FER: variants seen among roughly 807,000 people sequenced by gnomAD.
The protein encoded by FER is tyrosine-protein kinase Fer.
A neutral mutation model predicts 111.0 loss-of-function variants in FER; 63 were observed. The ratio of observed to expected loss-of-function variants is 0.57; its 90% CI spans 0.46 to 0.70. The LOEUF (loss-of-function observed/expected upper bound fraction) is 0.70, where lower values mean the gene tolerates loss of function less well. FER is among the 30% of genes least tolerant of loss of function. FER has a pLI of 0.00. For missense variants in FER, 914 were observed against 954.0 expected (o/e 0.96, Z 0.55); for synonymous variants, 327 against 313.9 (o/e 1.04, Z -0.44).
intron 17 of FER, among the ~76,000 whole-genome samples, chr5:109,141,618 T>C (rs1753528969): frequency 6.6e-6 from 1 of 152,194 alleles, no homozygotes; most frequent in Admixed American, 6.5e-5. Context: ...TTAGGGACAC[T>C]GGAAGATGGA....
intron 17 of FER, among the ~76,000 whole-genome samples, chr5:109,111,948 G>A (rs562545219): frequency 8.1e-4 from 124 of 152,204 alleles, no homozygotes; most frequent in African/African-American, 2.8e-3. Context: ...TTGTGGTCTG[G>A]TGTGCCTATT....
At chr5:109,010,956 A>G in intron 13 of FER, among the ~76,000 whole-genome samples, 1 of 152,256 alleles carries the variant, frequency 6.6e-6, no homozygotes, top group East Asian at 1.9e-4. Context: ...AGTGAGGAAC[A>G]TACATATGGA....
intron 9 of FER, among the ~76,000 whole-genome samples, chr5:108,889,655 TAA>T (rs1482670306): frequency 3.3e-5 from 5 of 152,002 alleles, no homozygotes; most frequent in South Asian, 2.1e-4. Flanking sequence ...TTAAAATAAC[TAA>T]AAGAGTATAA....
intron 16 of FER, among the ~76,000 whole-genome samples, chr5:109,060,708 A>G (rs1774282960): frequency 6.6e-6 from 1 of 151,882 alleles, no homozygotes; most frequent in South Asian, 2.1e-4. Flanking sequence ...AAAAATTAAA[A>G]AATAAGATTG....
At chr5:109,016,694 TAGTC>T (rs1767179268) in intron 13 of FER, among the ~76,000 whole-genome samples, 1 of 152,092 alleles carries the variant, frequency 6.6e-6, no homozygotes, top group Non-Finnish European at 1.5e-5. Flanking sequence ...TGTGTATACT[TAGTC>T]AATGTTTAGA....
At chr5:108,845,019 T>TATATACATATATATATATATAC (rs1761803939) in intron 5 of FER, among the ~76,000 whole-genome samples, 5 of 51,546 alleles carry the variant, frequency 9.7e-5, no homozygotes, top group Non-Finnish European at 1.9e-4. Context: ...TATATATATA[T>TATATACATATATATATATATAC]ATATATATAT....
intron 13 of FER, among the ~76,000 whole-genome samples, chr5:108,991,690 A>C (rs1223701060): frequency 1.3e-5 from 2 of 151,932 alleles, no homozygotes; most frequent in Non-Finnish European, 1.5e-5. Flanking sequence ...GTAAGGTTTT[A>C]AGTTTATTCA....
intron 17 of FER, among the ~76,000 whole-genome samples, chr5:109,174,178 A>C (rs1244749039): frequency 1.3e-5 from 2 of 152,200 alleles, no homozygotes; most frequent in Non-Finnish European, 2.9e-5. Flanking sequence ...GGAGGTCGCA[A>C]AGGGAAGAGA....
rs910777993 is a variant in FER at position 109,053,700 on chromosome 5, T to A, written c.1924+6502T>A. Among the ~76,000 whole-genome samples the A allele has an allele frequency of 9.9e-3, 1,473 of 148,740 alleles. 25 individuals are homozygous for A. Among genetic ancestry groups the A allele is most frequent in the African/African-American group, 0.035 (1,394 of 40,246 alleles). ...TGCTGAGTGGAGTTCTATTTTTTTT[T>A]TTTTTTTTTTGAGACGGAATCTCGC... is the stretch of plus-strand genomic sequence containing the variant. On this transcript the variant is annotated intron_variant, in intron 16 of 19. Transcript: ENST00000281092.
chr5:109,169,265 A>C (rs970859656), intron 17 of FER, among the ~76,000 whole-genome samples: 2 of 152,220 alleles, frequency 1.3e-5, no homozygotes, highest in African/African-American at 2.4e-5. Context: ...TATAATGCAG[A>C]ATTAAATTGA....
chr5:109,026,437 T>C (rs921471194), intron 13 of FER, among the ~76,000 whole-genome samples: 1 of 152,144 alleles, frequency 6.6e-6, no homozygotes, highest in African/African-American at 2.4e-5. Context: ...AAGTTTTTTT[T>C]TTTCCTCTAA....
chr5:108,789,829 C>G (rs1755147502), intron 2 of FER, among the ~76,000 whole-genome samples: 1 of 152,098 alleles, frequency 6.6e-6, no homozygotes, highest in Non-Finnish European at 1.5e-5. Flanking sequence ...TCTCGAACTC[C>G]TGACCTCAAG....
At chr5:109,009,566 AAG>A (rs1765971231) in intron 13 of FER, among the ~76,000 whole-genome samples, 2 of 151,736 alleles carry the variant, frequency 1.3e-5, no homozygotes, top group African/African-American at 4.8e-5. Flanking sequence ...CTATTTTTGG[AAG>A]AGTCTCACTA....
intron 1 of FER, among the ~76,000 whole-genome samples, chr5:108,755,873 C>T (rs1479969914): frequency 6.6e-6 from 1 of 150,658 alleles, no homozygotes; most frequent in Non-Finnish European, 1.5e-5. Flanking sequence ...CAGTATCAGC[C>T]GGGCACTGTG....
intron 3 of FER, among the ~76,000 whole-genome samples, chr5:108,819,238 G>A (rs999743538): frequency 2.1e-5 from 3 of 143,132 alleles, no homozygotes; most frequent in Non-Finnish European, 4.5e-5. Context: ...GCCCACGCTC[G>A]TCTTGAACTT....
chr5:109,106,405 GTTAA>G (rs1748938319), intron 17 of FER, among the ~76,000 whole-genome samples: 1 of 151,876 alleles, frequency 6.6e-6, no homozygotes, highest in East Asian at 1.9e-4. Context: ...TGCTTTATCT[GTTAA>G]TTAAACACAC....
Position 108,997,416 on chromosome 5 carries a change from C to CAAAAA in FER, c.1656+38082_1656+38086dup, listed in dbSNP as rs552848111. Among the ~76,000 whole-genome samples the CAAAAA allele has an allele frequency of 3.7e-5, 4 of 108,028 alleles. No individual in the cohort carries two copies. In the South Asian group the frequency reaches 9.6e-4, roughly 26 times the overall value. The allele number at this position is 108,028 out of a possible 152,430, so 70.9% of individuals were successfully genotyped here. On this transcript the variant is annotated intron_variant, in intron 13 of 19. Transcript: ENST00000281092. ...TGGGTGGTGGAGCGAGACCCTGTCT[C>CAAAAA]AAAAAAAAAAAAAAAAAGAGATTTT... is the stretch of plus-strand genomic sequence containing the variant.
At chr5:109,149,603 G>C (rs1479300750) in intron 17 of FER, among the ~76,000 whole-genome samples, 1 of 152,122 alleles carries the variant, frequency 6.6e-6, no homozygotes, top group Admixed American at 6.5e-5. Flanking sequence ...ACTCACAGTG[G>C]TATGACCTCA....
chr5:109,176,696 A>G (rs1024193593), intron 17 of FER, among the ~76,000 whole-genome samples: 4 of 152,232 alleles, frequency 2.6e-5, no homozygotes, highest in Non-Finnish European at 4.4e-5. Flanking sequence ...TTTGATCATT[A>G]CATATTGTAT....
Sources: allele counts gnomAD v4.1 joint callset (sites outside exome capture counted in the v4.1 genomes callset), GRCh38; gene constraint gnomAD v4.1.1; transcripts MANE v1.5; gene names NCBI Gene and HGNC (gene_info 2026-07-23, HGNC 2026-07-21).